Variants in MCU observed in about 807,000 individuals in gnomAD.
The protein encoded by MCU is mitochondrial calcium uniporter.
A neutral mutation model predicts 45.2 loss-of-function variants in MCU; 12 were observed. The observed-to-expected ratio is 0.27, with a 90% CI of 0.17 to 0.43. MCU has a LOEUF of 0.43. MCU is among the 20% of genes least tolerant of loss of function. The pLI is 1.00. For synonymous variants in MCU, 160 were observed against 165.1 expected, an observed-to-expected ratio of 0.97 and a Z score of 0.24; for missense variants, 324 against 436.7, an observed-to-expected ratio of 0.74 and a Z score of 2.30.
chr10:72,801,353 C>CTTTTT (rs200952818), intron 1 of MCU, among the ~76,000 whole-genome samples: 1 of 100,384 alleles, frequency 1.0e-5, no homozygotes, highest in African/African-American at 3.4e-5. Flanking sequence ...ATAATGCTTT[C>CTTTTT]TTTTTTTTTT....
intron 1 of MCU, among the ~76,000 whole-genome samples, chr10:72,832,662 A>G (rs1387434771): frequency 6.6e-6 from 1 of 152,174 alleles, no homozygotes; most frequent in Non-Finnish European, 1.5e-5. Flanking sequence ...AACAAAACAT[A>G]GCTAATATTT....
intron 1 of MCU, among the ~76,000 whole-genome samples, chr10:72,693,658 T>G (rs902331589): frequency 6.6e-6 from 1 of 152,222 alleles, no homozygotes; most frequent in African/African-American, 2.4e-5. Context: ...CTCATTCTTG[T>G]GAGAAGATTG....
rs181042028 is a variant in MCU at position 72,790,054 on chromosome 10, A to G, written c.151-44305A>G. 4.7e-3 allele frequency among the ~76,000 whole-genome samples: 720 copies of G among 152,274 alleles called. 1 individual carries two copies. Among genetic ancestry groups the G allele is most frequent in the Non-Finnish European group, 8.6e-3 (585 of 68,010 alleles). On this transcript the variant is annotated intron_variant, in intron 1 of 7. Coordinates refer to ENST00000373053, the MANE Select transcript of MCU (RefSeq NM_138357.3). ...TGCTGGCTTTGGTTCTAATTCAGACAGTGGTTTGATTCAGCAGACTCTATA... is the reference window on the plus strand; with the variant it reads ...TGCTGGCTTTGGTTCTAATTCAGACGGTGGTTTGATTCAGCAGACTCTATA...
chr10:72,702,252 A>G (rs1332412641), intron 1 of MCU, among the ~76,000 whole-genome samples: 2 of 151,826 alleles, frequency 1.3e-5, no homozygotes, highest in Non-Finnish European at 2.9e-5. Context: ...CTCTGTCTCA[A>G]AAAAAAAGAA....
At chr10:72,718,676 A>T (rs1209514738) in intron 1 of MCU, among the ~76,000 whole-genome samples, 1 of 152,222 alleles carries the variant, frequency 6.6e-6, no homozygotes, top group Non-Finnish European at 1.5e-5. Flanking sequence ...TATATTCACC[A>T]AAAGACCTGG....
chr10:72,733,494 A>G (rs1056738975), intron 1 of MCU, among the ~76,000 whole-genome samples: 7 of 152,114 alleles, frequency 4.6e-5, no homozygotes, highest in Admixed American at 3.3e-4. Flanking sequence ...GTACTGAGGC[A>G]GGAGGATTGC....
intron 1 of MCU, among the ~76,000 whole-genome samples, chr10:72,727,177 C>G (rs1159816326): frequency 1.3e-5 from 2 of 152,112 alleles, no homozygotes; most frequent in Non-Finnish European, 2.9e-5. Context: ...ATATAGAGCA[C>G]CAGTGCTCAG....
At chr10:72,834,723 G>A (rs559705840) in intron 2 of MCU, among the ~76,000 whole-genome samples, 124 of 152,160 alleles carry the variant, frequency 8.1e-4, no homozygotes, top group South Asian at 1.9e-3. Context: ...GTGCAGTGGC[G>A]CGATCTCAGC....
chr10:72,726,177 G>A (rs1843097784), intron 1 of MCU, among the ~76,000 whole-genome samples: 1 of 151,880 alleles, frequency 6.6e-6, no homozygotes, highest in African/African-American at 2.4e-5. Context: ...TAGAATCGTA[G>A]GCATTGGCCG....
At chr10:72,844,417 A>T (rs911894308) in intron 2 of MCU, among the ~76,000 whole-genome samples, 8 of 151,956 alleles carry the variant, frequency 5.3e-5, no homozygotes, top group Admixed American at 5.2e-4. Flanking sequence ...GAAATACAAA[A>T]AATTAGCTGG....
intron 1 of MCU, among the ~76,000 whole-genome samples, chr10:72,777,978 T>G (rs1260668040): frequency 6.6e-6 from 1 of 152,188 alleles, no homozygotes; most frequent in Non-Finnish European, 1.5e-5. Flanking sequence ...CACAATGAGA[T>G]ATCATTTCAT....
At chr10:72,871,004 G>A (rs771360038) in intron 5 of MCU, among the ~76,000 whole-genome samples, 2 of 152,014 alleles carry the variant, frequency 1.3e-5, no homozygotes, top group African/African-American at 2.4e-5. Flanking sequence ...GGGCTCAAGC[G>A]ATTCACCCAC....
chr10:72,699,170 A>C (rs1217585191), intron 1 of MCU, among the ~76,000 whole-genome samples: 2 of 152,266 alleles, frequency 1.3e-5, no homozygotes, highest in Admixed American at 1.3e-4. Context: ...ATAACATGTT[A>C]GGAAAACTAA....
chr10:72,839,600 T>G (rs1186773657), intron 2 of MCU, among the ~76,000 whole-genome samples: 1 of 152,042 alleles, frequency 6.6e-6, no homozygotes, highest in Non-Finnish European at 1.5e-5. Context: ...AATATCACAT[T>G]TCTTTATTCA....
intron 1 of MCU, among the ~76,000 whole-genome samples, chr10:72,738,535 G>C (rs963826943): frequency 2.8e-4 from 43 of 152,186 alleles, no homozygotes; most frequent in African/African-American, 1.0e-3. Flanking sequence ...GTTGAGTGCT[G>C]ATAGCTGTGA....
intron 1 of MCU, among the ~76,000 whole-genome samples, chr10:72,809,337 C>T (rs1844503108): frequency 6.6e-6 from 1 of 152,150 alleles, no homozygotes; most frequent in Admixed American, 6.5e-5. Flanking sequence ...CCATTTGTGA[C>T]TTTAGGGCCT....
chr10:72,811,668 C>T (rs999255951), intron 1 of MCU, among the ~76,000 whole-genome samples: 4 of 152,132 alleles, frequency 2.6e-5, no homozygotes, highest in African/African-American at 9.7e-5. Flanking sequence ...TGTAAGTTGT[C>T]TTTGAGCTTA....
intron 2 of MCU, among the ~76,000 whole-genome samples, chr10:72,852,611 C>T (rs965325585): frequency 6.6e-6 from 1 of 152,160 alleles, no homozygotes; most frequent in African/African-American, 2.4e-5. Context: ...AGTTTACAGC[C>T]TGAGGCGGCC....
chr10:72,859,282 G>T lies in MCU; in HGVS notation c.326G>T (p.Gly109Val). The T allele has an allele frequency of 6.2e-7, 1 of 1,613,900 alleles. No individual in the cohort carries two copies. Among genetic ancestry groups the T allele is most frequent in the Non-Finnish European group, 8.5e-7 (1 of 1,179,930 alleles). Residue 109 changes from glycine to valine, a missense_variant, in exon 3 of 8, where the codon GGT becomes GTT. Gly to Val is a moderately radical substitution (Grantham distance 109). This residue lies in a region of MCU where 135 missense variants were observed against 207.3 expected (regional missense o/e 0.65). Transcript: ENST00000373053. ...CTCAAGCCTATCTCTGACTCTGTTG[G>T]TGTATTTTTACGACAACTGCAAGAA... is the stretch of plus-strand genomic sequence containing the variant. ...FTLKPISDSV[G>V]VFLRQLQEED...
Sources: allele counts gnomAD v4.1 joint callset (sites outside exome capture counted in the v4.1 genomes callset), GRCh38; gene constraint gnomAD v4.1.1; regional missense constraint gnomAD v4.1.1; transcripts MANE v1.5; gene names NCBI Gene and HGNC (gene_info 2026-07-23, HGNC 2026-07-21).